The following PHAF1 variants were observed in gnomAD, a reference collection of about 807,000 sequenced individuals.
PHAF1 encodes the protein phagophore assembly factor 1, also known as phagosome assembly factor 1.
In PHAF1, 23 loss-of-function variants were observed where a neutral mutation model predicts 63.1. The observed-to-expected ratio is 0.36, with a 90% CI of 0.26 to 0.52. The LOEUF is 0.52. Among genes scored for constraint, PHAF1 ranks in the 20% least tolerant of loss-of-function variants. PHAF1 has a pLI of 0.93. For missense variants in PHAF1, 427 were observed against 517.2 expected (o/e 0.83, Z 1.69); for synonymous variants, 167 against 185.0 (o/e 0.90, Z 0.79).
chr16:67,146,859 A>G (rs1173826499), intron 15 of PHAF1, among the ~76,000 whole-genome samples, 186 bp from the exon 16 acceptor site: 1 of 152,134 alleles, frequency 6.6e-6, no homozygotes, highest in East Asian at 1.9e-4. Flanking sequence ...GGCTGTGTGT[A>G]ACCATTGAGA....
At chr16:67,143,312 G>A (rs1447056794) in intron 10 of PHAF1, among the ~76,000 whole-genome samples, 3 of 152,182 alleles carry the variant, frequency 2.0e-5, no homozygotes, top group Non-Finnish European at 4.4e-5. Flanking sequence ...CAAGGTGGGT[G>A]GATCACCTGA....
At chr16:67,132,308 C>CT in intron 4 of PHAF1, 138 bp from the exon 5 acceptor site, 1 of 754,068 alleles carries the variant, frequency 1.3e-6, no homozygotes. Flanking sequence ...TAAAAGTTCT[C>CT]TAATTAAGCT....
chr16:67,139,435 G>T (rs1401683622), intron 8 of PHAF1, among the ~76,000 whole-genome samples: 4 of 136,164 alleles, frequency 2.9e-5, no homozygotes, highest in African/African-American at 1.1e-4. Flanking sequence ...TGCAACCTCT[G>T]CCTCCTGGGC....
At chr16:67,114,408 G>A (rs1224038392) in intron 1 of PHAF1, among the ~76,000 whole-genome samples, 1 of 151,758 alleles carries the variant, frequency 6.6e-6, no homozygotes, top group Non-Finnish European at 1.5e-5. Flanking sequence ...GTGATAGAGA[G>A]GGATTATAGA....
Position 67,140,048 on chromosome 16 carries a change from T to G in PHAF1, c.726T>G (p.Gly242=). 6.2e-7 allele frequency: 1 copy of G among 1,614,132 alleles called. No individual in the cohort carries two copies. Among genetic ancestry groups the G allele is most frequent in the Non-Finnish European group, 8.5e-7 (1 of 1,180,020 alleles). Residue 242 remains glycine, a synonymous_variant, in exon 9 of 16, where the codon GGT becomes GGG. Transcript: ENST00000219139. Reference sequence around the variant, plus strand: ...TATTTGAACGTTCAGTGTATTTTGGTGATTCCTGCCAAGATGTTCTTAGCA... The same window carrying G: ...TATTTGAACGTTCAGTGTATTTTGGGGATTCCTGCCAAGATGTTCTTAGCA... The part of the protein sequence containing the change: ...MRVFERSVYF[G]DSCQDVLSML...
rs1328765000 is a variant in PHAF1 at position 67,147,039 on chromosome 16, C to T, written c.1183-6C>T. 1.2e-6 allele frequency: 2 copies of T among 1,612,756 alleles called. No individual in the cohort carries two copies. The highest frequency in any genetic ancestry group is 2.2e-5 in the East Asian group (1 of 44,874). On this transcript the variant is annotated splice_polypyrimidine_tract_variant and splice_region_variant and intron_variant, in intron 15 of 15. Transcript: ENST00000219139. ...CCCTTGACCCACTGTCCTCTTCTCA[C>T]ACCAGGTCATGCAGAACAACCACAT...
At position 67,147,218 on chromosome 16, in the gene PHAF1, TTGG is replaced by T; in HGVS notation, c.*88_*90del. On this transcript the variant is annotated 3_prime_UTR_variant, in exon 16 of 16. Coordinates refer to ENST00000219139, the MANE Select transcript of PHAF1 (RefSeq NM_025187.5). ...CCTCTGTACCACCCTGTGGGTTTTCTTGGACACCTGGCCAGTGCTGAAGGGCTG... is the reference window on the plus strand; with the variant it reads ...CCTCTGTACCACCCTGTGGGTTTTCTACACCTGGCCAGTGCTGAAGGGCTG... 1 of 1,318,114 alleles carries T rather than the reference TTGG, an allele frequency of 7.6e-7. No homozygotes were observed. The highest frequency in any genetic ancestry group is 1.2e-5 in the South Asian group (1 of 80,370). 81.7% of individuals were successfully genotyped at this position (1,318,114 alleles called of 1,614,324 possible).
chr16:67,145,497 C>T, intron 13 of PHAF1, 73 bp from the exon 14 acceptor site: 1 of 1,611,950 alleles, frequency 6.2e-7, no homozygotes. Flanking sequence ...GGGCTGTGTC[C>T]TCTAGGCCAG....
chr16:67,133,082 G>T (rs1963469873), intron 6 of PHAF1, 171 bp downstream of exon 6: 1 of 620,298 alleles, frequency 1.6e-6, no homozygotes, highest in Admixed American at 2.8e-5. Context: ...GTTGACAGAG[G>T]AAGAACAATG....
chr16:67,126,136 A>T (rs147740726), intron 3 of PHAF1, 94 bp downstream of exon 3: 14 of 971,056 alleles, frequency 1.4e-5, no homozygotes, highest in Non-Finnish European at 2.3e-5. Context: ...TTCAAAACTT[A>T]TAAGTAGGTG....
chr16:67,122,166 C>A (rs1963007132), intron 2 of PHAF1, among the ~76,000 whole-genome samples: 1 of 152,286 alleles, frequency 6.6e-6, no homozygotes, highest in South Asian at 2.1e-4. Context: ...TCCCAAAGTG[C>A]TGGGATTACA....
At chr16:67,133,501 T>C (rs923629269) in intron 6 of PHAF1, among the ~76,000 whole-genome samples, 3 of 99,794 alleles carry the variant, frequency 3.0e-5, no homozygotes, top group Non-Finnish European at 4.3e-5. Flanking sequence ...CCAAAAATAT[T>C]AAAAAAAAAA....
intron 8 of PHAF1, among the ~76,000 whole-genome samples, chr16:67,137,866 T>G (rs1018781850): frequency 6.6e-6 from 1 of 152,088 alleles, no homozygotes; most frequent in Non-Finnish European, 1.5e-5. Context: ...GGCAAATGAT[T>G]TGTTAAGTCA....
chr16:67,147,095 G>A lies in PHAF1; in HGVS notation c.1233G>A (p.Arg411=), dbSNP rs578144224. Residue 411 remains arginine, a synonymous_variant, in exon 16 of 16, where the codon AGG becomes AGA. Coordinates refer to ENST00000219139, the MANE Select transcript of PHAF1 (RefSeq NM_025187.5). ...IASVTLYGPP[R]PGSHLRTAEL... ...CGGTGACCCTGTATGGCCCCCCCAG[G>A]CCTGGTAGCCACCTGAGAACAGCGG... is the stretch of plus-strand genomic sequence containing the variant. 6.2e-7 allele frequency: 1 copy of A among 1,613,946 alleles called. No individual in the cohort carries two copies. The highest frequency in any genetic ancestry group is 1.3e-5 in the African/African-American group (1 of 74,984).
At chr16:67,112,763 T>G (rs1962570165) in intron 1 of PHAF1, among the ~76,000 whole-genome samples, 1 of 152,206 alleles carries the variant, frequency 6.6e-6, no homozygotes, top group Non-Finnish European at 1.5e-5. Flanking sequence ...GGTCAAGAAT[T>G]GAATTTTAGG....
intron 10 of PHAF1, 57 bp downstream of exon 10, chr16:67,140,651 T>A: frequency 7.8e-7 from 1 of 1,279,044 alleles, no homozygotes; most frequent in South Asian, 1.2e-5. Context: ...GCAGTGCATC[T>A]TTGCAGATCT....
intron 2 of PHAF1, among the ~76,000 whole-genome samples, chr16:67,123,298 C>T (rs550133773): frequency 1.7e-4 from 26 of 151,966 alleles, no homozygotes; most frequent in African/African-American, 5.8e-4. Context: ...AAAATTTGGC[C>T]AGGTGCAGTG....
intron 3 of PHAF1, among the ~76,000 whole-genome samples, chr16:67,130,711 G>A (rs1963360350): frequency 6.6e-6 from 1 of 152,200 alleles, no homozygotes; most frequent in Admixed American, 6.5e-5. Flanking sequence ...ATATGAGATG[G>A]GAGGAAGGGG....
intron 15 of PHAF1, among the ~76,000 whole-genome samples, chr16:67,146,717 A>G (rs1343402399): frequency 1.3e-5 from 2 of 152,186 alleles, no homozygotes; most frequent in African/African-American, 4.8e-5. Context: ...AATGCATTGT[A>G]GGGGAGTGAG....
Sources: allele counts gnomAD v4.1 joint callset (sites outside exome capture counted in the v4.1 genomes callset), GRCh38; gene constraint gnomAD v4.1.1; transcripts MANE v1.5; gene names NCBI Gene and HGNC (gene_info 2026-07-23, HGNC 2026-07-21).